Variants in GABRA2 observed in about 807,000 individuals in gnomAD.
The protein encoded by GABRA2 is gamma-aminobutyric acid receptor subunit alpha-2.
Under a neutral mutation model 48.7 loss-of-function variants are expected in GABRA2, and 16 were observed. The observed-to-expected ratio is 0.33, with a 90% CI of 0.22 to 0.50. The LOEUF (loss-of-function observed/expected upper bound fraction) is 0.50. Ranked by LOEUF, GABRA2 falls within the 20% of genes least tolerant of loss-of-function variation. GABRA2 has a pLI of 0.98. For missense variants in GABRA2, 275 were observed against 535.6 expected (o/e 0.51, Z 4.80); for synonymous variants, 185 against 184.5 (o/e 1.00, Z -0.02).
intron 3 of GABRA2, among the ~76,000 whole-genome samples, chr4:46,334,991 C>T (rs574901972): frequency 2.6e-5 from 4 of 152,000 alleles, no homozygotes; most frequent in African/African-American, 7.3e-5. Context: ...GATGGATGCA[C>T]AGAGCTGTAA....
intron 8 of GABRA2, among the ~76,000 whole-genome samples, chr4:46,263,464 C>T (rs1717458840): frequency 1.3e-5 from 2 of 151,992 alleles, no homozygotes; most frequent in Admixed American, 1.3e-4. Context: ...CCCATTGTCC[C>T]AGCACCATGT....
At chr4:46,377,192 G>A (rs1715875867) in intron 3 of GABRA2, among the ~76,000 whole-genome samples, 2 of 151,772 alleles carry the variant, frequency 1.3e-5, no homozygotes, top group Non-Finnish European at 2.9e-5. Flanking sequence ...CTGCCCGGCC[G>A]CCCATCGTCT....
At chr4:46,342,257 A>G (rs918619607) in intron 3 of GABRA2, among the ~76,000 whole-genome samples, 2 of 152,066 alleles carry the variant, frequency 1.3e-5, no homozygotes, top group African/African-American at 4.8e-5. Flanking sequence ...TAATTTCAAG[A>G]GTACTGAGAA....
intron 8 of GABRA2, among the ~76,000 whole-genome samples, chr4:46,273,484 C>CATATATATAT (rs1250189953): frequency 1.3e-3 from 25 of 18,906 alleles, no homozygotes; most frequent in African/African-American, 4.5e-3. Context: ...TATATATATG[C>CATATATATAT]ATATATATAT....
chr4:46,256,269 G>A (rs1268638532), intron 9 of GABRA2: 3 of 696,164 alleles, frequency 4.3e-6, no homozygotes, highest in Non-Finnish European at 7.9e-6. Context: ...AATAAACTGG[G>A]CCATGAGAAA....
intron 3 of GABRA2, among the ~76,000 whole-genome samples, chr4:46,369,816 G>A (rs9291283): frequency 0.24 from 36,256 of 151,818 alleles, 4,595 homozygotes; most frequent in African/African-American, 0.28. Context: ...ATATAGTAAC[G>A]GGAGATTTGT....
At chr4:46,295,033 C>G (rs570584862) in intron 8 of GABRA2, among the ~76,000 whole-genome samples, 1 of 152,164 alleles carries the variant, frequency 6.6e-6, no homozygotes, top group Non-Finnish European at 1.5e-5. Context: ...CTCTCTGCAC[C>G]GATGGCCTCA....
chr4:46,316,753 A>T (rs966241629), intron 4 of GABRA2, among the ~76,000 whole-genome samples: 4 of 151,944 alleles, frequency 2.6e-5, no homozygotes, highest in Non-Finnish European at 5.9e-5. Context: ...GTTTATTAAA[A>T]ATTCTAGTTT....
intron 3 of GABRA2, among the ~76,000 whole-genome samples, chr4:46,347,864 C>CT (rs1734406230): frequency 6.6e-6 from 1 of 151,806 alleles, no homozygotes; most frequent in Non-Finnish European, 1.5e-5. Context: ...AAGCTCATAT[C>CT]TACACTATAA....
intron 3 of GABRA2, chr4:46,365,145 G>A (rs1365765539): frequency 1.3e-5 from 2 of 152,132 alleles, no homozygotes; most frequent in Non-Finnish European, 2.9e-5. Context: ...GCCAGATGAA[G>A]TTAAGCTATC....
intron 1 of GABRA2, 199 bp downstream of exon 1, chr4:46,389,536 A>G: frequency 2.1e-6 from 1 of 485,032 alleles, no homozygotes; most frequent in Non-Finnish European, 2.7e-6. Context: ...CCTGGATTTT[A>G]TTGTAGTTGC....
At chr4:46,275,820 A>ATT (rs944745283) in intron 8 of GABRA2, among the ~76,000 whole-genome samples, 21 of 152,258 alleles carry the variant, frequency 1.4e-4, no homozygotes, top group Middle Eastern at 3.4e-3. Flanking sequence ...TCATTAGAGA[A>ATT]TTTTTATCAC....
At chr4:46,355,855 G>C (rs1735872410) in intron 3 of GABRA2, among the ~76,000 whole-genome samples, 1 of 151,840 alleles carries the variant, frequency 6.6e-6, no homozygotes, top group African/African-American at 2.4e-5. Flanking sequence ...ACTCTTTAAG[G>C]GTCTTTCTAA....
chr4:46,289,533 C>T (rs1407529393), intron 8 of GABRA2, among the ~76,000 whole-genome samples: 1 of 152,098 alleles, frequency 6.6e-6, no homozygotes, highest in Non-Finnish European at 1.5e-5. Flanking sequence ...GAACAACACA[C>T]ACTGGGGCCT....
At chr4:46,386,846 C>G (rs1717529012) in intron 2 of GABRA2, 2 of 152,298 alleles carry the variant, frequency 1.3e-5, no homozygotes, top group Admixed American at 1.3e-4. Context: ...CTGCAGAGAT[C>G]CTTAGAGCCT....
intron 3 of GABRA2, among the ~76,000 whole-genome samples, chr4:46,349,853 G>C (rs1734822741): frequency 6.6e-6 from 1 of 151,826 alleles, no homozygotes; most frequent in African/African-American, 2.4e-5. Flanking sequence ...CTGGAATGTA[G>C]TTTCTTGAAT....
chr4:46,303,539 C>T lies in GABRA2; in HGVS notation c.777G>A (p.Leu259=). The T allele has an allele frequency of 6.2e-7, 1 of 1,613,962 alleles. No homozygotes were observed. Among genetic ancestry groups the T allele is most frequent in the Non-Finnish European group, 8.5e-7 (1 of 1,179,892 alleles). Residue 259 remains leucine (L), a synonymous_variant, in exon 8 of 10, where the codon CTG becomes CTA. Transcript: ENST00000381620. ...AGAGAATGACAGTCATGATGCAAGG[C>T]AGATAGGTTTGAATCACAAAATACC... ...KIGYFVIQTY[L]PCIMTVILSQ...
At chr4:46,354,841 T>C in intron 3 of GABRA2, among the ~76,000 whole-genome samples, 1 of 152,166 alleles carries the variant, frequency 6.6e-6, no homozygotes, top group South Asian at 2.1e-4. Flanking sequence ...GCGTATCCGC[T>C]TGCCACTCTT....
intron 4 of GABRA2, among the ~76,000 whole-genome samples, chr4:46,328,362 T>G (rs1730758245): frequency 1.3e-5 from 2 of 151,418 alleles, no homozygotes; most frequent in South Asian, 4.1e-4. Context: ...CTATGCTGCT[T>G]TTTTTCTCTC....
Sources: allele counts gnomAD v4.1 joint callset (sites outside exome capture counted in the v4.1 genomes callset), GRCh38; gene constraint gnomAD v4.1.1; transcripts MANE v1.5; gene names NCBI Gene and HGNC (gene_info 2026-07-23, HGNC 2026-07-21).